Variants in MIR2052HG observed in about 807,000 individuals in gnomAD.
MIR2052HG encodes MIR2052 host gene.
At chr8:74,681,136 C>T (rs917353092) in intron 2 of MIR2052HG, among the ~76,000 whole-genome samples, 13 of 151,126 alleles carry the variant, frequency 8.6e-5, no homozygotes, top group South Asian at 2.1e-4. Flanking sequence ...GTGGGCGCAG[C>T]GCACCAGCAT....
At chr8:74,622,087 A>G (rs763954204) in intron 2 of MIR2052HG, among the ~76,000 whole-genome samples, 4 of 152,242 alleles carry the variant, frequency 2.6e-5, no homozygotes, top group African/African-American at 9.6e-5. Flanking sequence ...CTGCACCGCA[A>G]AGAAAGCAAT....
In MIR2052HG at chr8:74,648,611, G is replaced by A. The variant is rs150792066; in HGVS notation, n.216+35671G>A. 5.4e-3 allele frequency among the ~76,000 whole-genome samples: 816 copies of A among 152,150 alleles called. 3 individuals are homozygous for A. Among genetic ancestry groups the A allele is most frequent in the African/African-American group, 0.017 (685 of 41,502 alleles). ...CCTACCAATATGTGATGACACCCCC[G>A]GAGGCCCAGCTGTAAAATTTCTCTC... is the stretch of plus-strand genomic sequence containing the variant. On this transcript the variant is annotated intron_variant and non_coding_transcript_variant, in intron 2 of 6. Transcript: ENST00000523442.
chr8:74,621,696 C>G (rs1582724), intron 2 of MIR2052HG, among the ~76,000 whole-genome samples: 12,872 of 152,174 alleles, frequency 0.085, 939 homozygotes, highest in African/African-American at 0.19. Flanking sequence ...GATTACAATT[C>G]AAGGTGAGAT....
At chr8:74,742,610 T>C (rs556699924) in intron 4 of MIR2052HG, among the ~76,000 whole-genome samples, 1 of 152,224 alleles carries the variant, frequency 6.6e-6, no homozygotes, top group South Asian at 2.1e-4. Flanking sequence ...TAGTAGTCAT[T>C]GCTGGGAACT....
At chr8:74,616,530 C>A (rs2128732041) in intron 2 of MIR2052HG, among the ~76,000 whole-genome samples, 1 of 151,040 alleles carries the variant, frequency 6.6e-6, no homozygotes, top group South Asian at 2.1e-4. Context: ...TATTACTGTC[C>A]CTATACTCTG....
chr8:74,723,555 G>T (rs756173215), intron 4 of MIR2052HG, among the ~76,000 whole-genome samples: 7 of 152,140 alleles, frequency 4.6e-5, no homozygotes, highest in Non-Finnish European at 1.0e-4. Context: ...GGAAGGTAGG[G>T]ATGGGAAATA....
intron 4 of MIR2052HG, among the ~76,000 whole-genome samples, chr8:74,746,931 C>G (rs1314625486): frequency 6.6e-6 from 1 of 152,084 alleles, no homozygotes; most frequent in African/African-American, 2.4e-5. Context: ...AGTTACCATG[C>G]TCTTTAAAAT....
intron 4 of MIR2052HG, among the ~76,000 whole-genome samples, chr8:74,747,083 A>G (rs2128756339): frequency 6.6e-6 from 1 of 152,170 alleles, no homozygotes; most frequent in East Asian, 1.9e-4. Context: ...ATATTTCTAT[A>G]CATATACTCT....
At chr8:74,669,165 T>C (rs1808963943) in intron 2 of MIR2052HG, among the ~76,000 whole-genome samples, 1 of 152,254 alleles carries the variant, frequency 6.6e-6, no homozygotes, top group East Asian at 1.9e-4. Context: ...CCTTGATTTT[T>C]ACGCCAAAAT....
intron 2 of MIR2052HG, among the ~76,000 whole-genome samples, chr8:74,617,628 T>G (rs1343100483): frequency 6.6e-6 from 1 of 152,206 alleles, no homozygotes; most frequent in East Asian, 1.9e-4. Flanking sequence ...CTTAGGTTGA[T>G]TTCATTACTT....
chr8:74,675,610 G>A (rs1809042643), intron 2 of MIR2052HG, among the ~76,000 whole-genome samples: 1 of 151,922 alleles, frequency 6.6e-6, no homozygotes, highest in Non-Finnish European at 1.5e-5. Context: ...AAACTAGGAT[G>A]ATTGATCAGT....
At chr8:74,623,013 T>C (rs1808384808) in intron 2 of MIR2052HG, among the ~76,000 whole-genome samples, 1 of 152,120 alleles carries the variant, frequency 6.6e-6, no homozygotes, top group Non-Finnish European at 1.5e-5. Context: ...ATTGGGTAGA[T>C]GTTGGTCAAA....
intron 4 of MIR2052HG, among the ~76,000 whole-genome samples, chr8:74,731,046 G>A (rs1335018447): frequency 6.6e-6 from 1 of 152,102 alleles, no homozygotes; most frequent in Non-Finnish European, 1.5e-5. Context: ...CCCCAAAGAA[G>A]AGACACTGAT....
chr8:74,722,211 T>A (rs1005859065), intron 4 of MIR2052HG, among the ~76,000 whole-genome samples: 2 of 152,118 alleles, frequency 1.3e-5, no homozygotes, highest in African/African-American at 2.4e-5. Flanking sequence ...CAAGGCTCTA[T>A]GTTTATGAAA....
At chr8:74,680,726 G>A (rs1404820626) in intron 2 of MIR2052HG, among the ~76,000 whole-genome samples, 1 of 152,086 alleles carries the variant, frequency 6.6e-6, no homozygotes, top group African/African-American at 2.4e-5. Flanking sequence ...TATACTCAAA[G>A]GACTATAAAT....
At chr8:74,641,754 C>A (rs1342327352) in intron 2 of MIR2052HG, among the ~76,000 whole-genome samples, 1 of 152,070 alleles carries the variant, frequency 6.6e-6, no homozygotes, top group Non-Finnish European at 1.5e-5. Flanking sequence ...TCATCCCTTC[C>A]AAACAGATTG....
chr8:74,664,954 T>G (rs1298882750), intron 2 of MIR2052HG, among the ~76,000 whole-genome samples: 1 of 152,218 alleles, frequency 6.6e-6, no homozygotes, highest in Admixed American at 6.5e-5. Context: ...GTGAACCTTC[T>G]AAGTATCTCC....
At chr8:74,739,180 C>A (rs1227671874) in intron 4 of MIR2052HG, among the ~76,000 whole-genome samples, 2 of 152,174 alleles carry the variant, frequency 1.3e-5, no homozygotes, top group African/African-American at 2.4e-5. Context: ...GATGTAAAGT[C>A]ATCATGAGAT....
At chr8:74,672,093 C>T (rs943418543) in intron 2 of MIR2052HG, among the ~76,000 whole-genome samples, 1 of 151,986 alleles carries the variant, frequency 6.6e-6, no homozygotes, top group Non-Finnish European at 1.5e-5. Flanking sequence ...ATATGGCTAC[C>T]CAGTAAAGAT....
Sources: gnomAD v4.1 joint callset for allele counts (sites outside exome capture counted in the v4.1 genomes callset) on GRCh38, gnomAD v4.1.1 for gene constraint, MANE v1.5 for transcripts, NCBI Gene and HGNC (gene_info 2026-07-23, HGNC 2026-07-21) for gene names.